Variants in RBPMS observed in about 807,000 individuals in gnomAD.
The protein encoded by RBPMS is RNA-binding protein with multiple splicing.
A neutral mutation model predicts 26.8 loss-of-function variants in RBPMS; 7 were observed. That is an observed-to-expected ratio of 0.26 (90% CI 0.15 to 0.49). RBPMS has a LOEUF of 0.49. RBPMS is among the 20% of genes least tolerant of loss of function. RBPMS has a pLI of 0.98. For missense variants in RBPMS, 186 were observed against 250.0 expected (o/e 0.74, Z 1.73); for synonymous variants, 96 against 93.3 (o/e 1.03, Z -0.17).
At chr8:30,420,941 A>G (rs777353128) in intron 1 of RBPMS, among the ~76,000 whole-genome samples, 2 of 152,210 alleles carry the variant, frequency 1.3e-5, no homozygotes, top group Non-Finnish European at 2.9e-5. Context: ...GTCAATTGAC[A>G]GGCTAGTTAG....
At chr8:30,440,831 T>C (rs1347443374) in intron 1 of RBPMS, among the ~76,000 whole-genome samples, 9 of 150,976 alleles carry the variant, frequency 6.0e-5, no homozygotes, top group African/African-American at 2.2e-4. Flanking sequence ...TTTCACTATC[T>C]CACCCAGGGT....
At chr8:30,498,921 T>A (rs1820265584) in intron 4 of RBPMS, among the ~76,000 whole-genome samples, 1 of 152,042 alleles carries the variant, frequency 6.6e-6, no homozygotes, top group Admixed American at 6.5e-5. Flanking sequence ...TTTAAATATA[T>A]CTATATGATG....
At chr8:30,558,999 C>T in intron 7 of RBPMS, 43 bp downstream of exon 7, 1 of 1,522,918 alleles carries the variant, frequency 6.6e-7, no homozygotes, top group Non-Finnish European at 9.1e-7. Context: ...GCCCCTAGAA[C>T]ACATCTGTAC....
chr8:30,496,398 A>G (rs530532393), intron 4 of RBPMS, among the ~76,000 whole-genome samples: 33 of 152,062 alleles, frequency 2.2e-4, no homozygotes, highest in South Asian at 1.0e-3. Context: ...TCGATCTCCC[A>G]ACCTCGTGAT....
intron 1 of RBPMS, among the ~76,000 whole-genome samples, chr8:30,462,612 G>A (rs1004320181): frequency 2.0e-5 from 3 of 151,962 alleles, no homozygotes; most frequent in Admixed American, 2.0e-4. Flanking sequence ...GTAGAGACGA[G>A]GTTTCACCAT....
At chr8:30,475,446 T>C (rs1026772124) in intron 2 of RBPMS, among the ~76,000 whole-genome samples, 7 of 152,310 alleles carry the variant, frequency 4.6e-5, no homozygotes, top group South Asian at 4.2e-4. Flanking sequence ...CTTTGGAGGA[T>C]AGGAGAAAGC....
At chr8:30,418,439 G>A (rs906976205) in intron 1 of RBPMS, among the ~76,000 whole-genome samples, 1 of 151,962 alleles carries the variant, frequency 6.6e-6, no homozygotes, top group African/African-American at 2.4e-5. Context: ...TCATTGTTGT[G>A]TTTTGTATTT....
chr8:30,567,212 A>G (rs1482160780), intron 8 of RBPMS, among the ~76,000 whole-genome samples: 1 of 152,200 alleles, frequency 6.6e-6, no homozygotes, highest in Non-Finnish European at 1.5e-5. Context: ...CAGAGAACCA[A>G]GCGCTTCTGG....
intron 5 of RBPMS, among the ~76,000 whole-genome samples, chr8:30,534,646 A>C (rs1824615677): frequency 1.3e-5 from 2 of 152,182 alleles, no homozygotes; most frequent in South Asian, 4.1e-4. Context: ...GGAATTCCTC[A>C]CGTGGCTCAC....
intron 1 of RBPMS, among the ~76,000 whole-genome samples, chr8:30,410,933 T>C (rs1809317634): frequency 6.6e-6 from 1 of 152,082 alleles, no homozygotes; most frequent in African/African-American, 2.4e-5. Context: ...AGGGATGGGG[T>C]GTTGCTACTT....
rs754590726 is a variant in RBPMS, at chr8:30,504,297, C to T, written c.258C>T (p.Phe86=). 8.7e-5 allele frequency: 141 copies of T among 1,614,144 alleles called. 1 individual carries two copies. The highest frequency in any genetic ancestry group is 6.6e-4 in the Middle Eastern group (4 of 6,062). Residue 86 remains phenylalanine (F), a synonymous_variant, in exon 5 of 9, where the codon TTC becomes TTT. Coordinates refer to ENST00000397323, the MANE Select transcript of RBPMS (RefSeq NM_001008710.3). ...AAKNALNGIR[F]DPEIPQTLRL... is the part of the protein sequence containing the mutation. Reference sequence around the variant, plus strand: ...CTCTGTTTCCAAAGGGCATCCGCTTCGATCCTGAAATTCCGCAAACACTAC... The same window carrying T: ...CTCTGTTTCCAAAGGGCATCCGCTTTGATCCTGAAATTCCGCAAACACTAC...
chr8:30,474,898 AG>A, intron 2 of RBPMS, 42 bp downstream of exon 2: 1 of 1,275,392 alleles, frequency 7.8e-7, no homozygotes, highest in Non-Finnish European at 1.1e-6. Context: ...ATGAGACAAA[AG>A]TCTGTATGCT....
chr8:30,531,351 T>A (rs1824205624), intron 5 of RBPMS, among the ~76,000 whole-genome samples: 1 of 110,124 alleles, frequency 9.1e-6, no homozygotes, highest in Non-Finnish European at 1.9e-5. Flanking sequence ...CCAACCAGCC[T>A]TCTGCTGACC....
chr8:30,446,562 C>G (rs1352445480), intron 1 of RBPMS, among the ~76,000 whole-genome samples: 1 of 152,228 alleles, frequency 6.6e-6, no homozygotes, highest in Non-Finnish European at 1.5e-5. Flanking sequence ...GACAGAAAAC[C>G]AAAGTAATGT....
At chr8:30,449,015 G>A (rs2150737581) in intron 1 of RBPMS, among the ~76,000 whole-genome samples, 1 of 152,268 alleles carries the variant, frequency 6.6e-6, no homozygotes, top group Middle Eastern at 3.4e-3. Context: ...TTGGGAGTTT[G>A]GCATGTTAAA....
intron 1 of RBPMS, among the ~76,000 whole-genome samples, chr8:30,423,114 A>G (rs2979488): frequency 0.77 from 116,511 of 152,164 alleles, 44,767 homozygotes; most frequent in East Asian, 0.82. Context: ...GCTCAGCCTC[A>G]CTTCCAGCCT....
At position 30,474,834 on chromosome 8, in the gene RBPMS, A is replaced by G; in HGVS notation, c.122A>G (p.Tyr41Cys). The G allele has an allele frequency of 6.2e-7, 1 of 1,610,880 alleles. No homozygotes were observed. The highest frequency in any genetic ancestry group is 8.5e-7 in the Non-Finnish European group (1 of 1,177,166). ...LPLDIKPREL[Y>C]LLFRPFKGYE... Reference sequence around the variant, plus strand: ...CTGGATATCAAACCTCGGGAGCTCTATCTGCTTTTCAGACCATTTAAGGTA... The same window carrying G: ...CTGGATATCAAACCTCGGGAGCTCTGTCTGCTTTTCAGACCATTTAAGGTA... The change falls in exon 2 of 9, where the codon TAT becomes TGT. Residue 41 changes from tyrosine (Y) to cysteine (C), a missense_variant. By Grantham distance (194) the Tyr-to-Cys change is radical (BLOSUM62 -2). Transcript: ENST00000397323.
chr8:30,549,368 T>G (rs1211461229), intron 6 of RBPMS: 2 of 734,778 alleles, frequency 2.7e-6, no homozygotes, highest in Middle Eastern at 2.5e-4. Context: ...GCTGTGGCTA[T>G]CCGGAAAACG....
intron 5 of RBPMS, among the ~76,000 whole-genome samples, chr8:30,510,966 A>G (rs1821525422): frequency 6.6e-6 from 1 of 152,060 alleles, no homozygotes; most frequent in African/African-American, 2.4e-5. Context: ...TTGAAAATGC[A>G]CTTACTAAAG....
Sources: allele counts gnomAD v4.1 joint callset (sites outside exome capture counted in the v4.1 genomes callset), GRCh38; gene constraint gnomAD v4.1.1; transcripts MANE v1.5; gene names NCBI Gene and HGNC (gene_info 2026-07-23, HGNC 2026-07-21).